The following CD2AP variants were observed in gnomAD, a reference collection of about 807,000 sequenced individuals.
CD2AP encodes the protein CD2-associated protein.
Under a neutral mutation model 85.1 loss-of-function variants are expected in CD2AP, and 46 were observed. The observed-to-expected ratio is 0.54, with a 90% confidence interval of 0.43 to 0.69. The LOEUF is 0.69. CD2AP is among the 30% of genes least tolerant of loss of function. The pLI, the probability that CD2AP is intolerant of heterozygous loss-of-function variation, is 0.00. For synonymous variants in CD2AP, 255 were observed against 252.9 expected (o/e 1.01, Z -0.08); for missense variants, 769 against 729.5 (o/e 1.05, Z -0.62).
chr6:47,593,742 A>T (rs1470780262), intron 11 of CD2AP, among the ~76,000 whole-genome samples: 1 of 152,108 alleles, frequency 6.6e-6, no homozygotes, highest in African/African-American at 2.4e-5. Context: ...TATGAAAAGC[A>T]GTTAGGTGGT....
chr6:47,507,004 C>T (rs1296395448), intron 2 of CD2AP, among the ~76,000 whole-genome samples: 1 of 152,194 alleles, frequency 6.6e-6, no homozygotes, highest in African/African-American at 2.4e-5. Context: ...GTTTCAAACC[C>T]TCCTTCTGCT....
At chr6:47,538,062 T>A (rs1183179741) in intron 3 of CD2AP, among the ~76,000 whole-genome samples, 2 of 151,934 alleles carry the variant, frequency 1.3e-5, no homozygotes, top group Non-Finnish European at 2.9e-5. Context: ...GAAAATTTTT[T>A]AAAAAGATAC....
Position 47,610,973 on chromosome 6 carries a change from T to TATATATATATATA in CD2AP, c.1815-1500_1815-1499insATATATATATATA, listed in dbSNP as rs1454709863. On this transcript the variant is annotated intron_variant, in intron 16 of 17. Coordinates refer to ENST00000359314, the MANE Select transcript of CD2AP (RefSeq NM_012120.3). ...TTTATATATATATATATATATGTAT[T>TATATATATATATA]TTTTTTTTTTTTTGAATATAAAACA... Among the ~76,000 whole-genome samples the TATATATATATATA allele has an allele frequency of 2.4e-3, 71 of 29,992 alleles. No individual in the cohort carries two copies. In the East Asian group the frequency reaches 0.092, roughly 39 times the overall value. 19.7% of individuals were successfully genotyped at this position (29,992 alleles called of 152,430 possible).
At chr6:47,484,019 AGTG>A (rs1000345060) in intron 1 of CD2AP, among the ~76,000 whole-genome samples, 2 of 152,142 alleles carry the variant, frequency 1.3e-5, no homozygotes, top group African/African-American at 4.8e-5. Context: ...GTTTCACTGA[AGTG>A]GTGGTTGGCT....
At chr6:47,583,546 T>C (rs925859332) in intron 11 of CD2AP, among the ~76,000 whole-genome samples, 3 of 152,200 alleles carry the variant, frequency 2.0e-5, no homozygotes, top group African/African-American at 7.2e-5. Flanking sequence ...TTGGCGTCTT[T>C]CACTTAATTA....
At chr6:47,529,948 C>T (rs1441679039) in intron 2 of CD2AP, among the ~76,000 whole-genome samples, 1 of 152,174 alleles carries the variant, frequency 6.6e-6, no homozygotes, top group African/African-American at 2.4e-5. Flanking sequence ...CTTCATTCCT[C>T]AGAAGCTCTG....
rs1394284351 is a variant in CD2AP, at chr6:47,542,705, TCAGGTA to T, written c.320-1900_320-1895del. On this transcript the variant is annotated intron_variant, in intron 3 of 17. Transcript: ENST00000359314. ...TTTATACTATCTTCATTACCTAGTCTCAGGTATTTTGTTATAGCAGCACAAATAAAC... is the reference window on the plus strand; with the variant it reads ...TTTATACTATCTTCATTACCTAGTCTTTTTGTTATAGCAGCACAAATAAAC... Among the ~76,000 whole-genome samples, 3 of 152,308 alleles carry T rather than the reference TCAGGTA, an allele frequency of 2.0e-5. No homozygotes were observed. The East Asian group carries it at 5.8e-4, about 29-fold the overall frequency.
rs201314621 is a variant in CD2AP at position 47,619,377 on chromosome 6, G to C, written c.1879-4809G>C. Among the ~76,000 whole-genome samples, 27 of 152,276 alleles carry C rather than the reference G, an allele frequency of 1.8e-4. No individual in the cohort carries two copies. The East Asian group carries it at 5.2e-3, about 29-fold the overall frequency. On this transcript the variant is annotated intron_variant, in intron 17 of 17. Transcript: ENST00000359314. ...TTAGAATAATAGTCTCCAATTTCAT[G>C]CAGGTCACTGCAGATGCTGTTAATT...
chr6:47,590,061 C>T (rs1768749786), intron 11 of CD2AP, among the ~76,000 whole-genome samples: 1 of 151,848 alleles, frequency 6.6e-6, no homozygotes, highest in Admixed American at 6.6e-5. Context: ...CTATGTTTTC[C>T]TGTAAATCTT....
At chr6:47,496,571 G>A (rs1056981287) in intron 1 of CD2AP, among the ~76,000 whole-genome samples, 2 of 152,128 alleles carry the variant, frequency 1.3e-5, no homozygotes, top group African/African-American at 4.8e-5. Context: ...CATTTTTGCT[G>A]TAATATTGAA....
chr6:47,528,291 C>T (rs768731414), intron 2 of CD2AP, among the ~76,000 whole-genome samples: 1 of 152,148 alleles, frequency 6.6e-6, no homozygotes, highest in Non-Finnish European at 1.5e-5. Context: ...TCTCATACCT[C>T]ATCCTCCCAA....
At chr6:47,531,960 C>G (rs1766890594) in intron 2 of CD2AP, among the ~76,000 whole-genome samples, 2 of 151,838 alleles carry the variant, frequency 1.3e-5, no homozygotes. Flanking sequence ...GTAGTCCCAG[C>G]TGCTCAGGAG....
intron 6 of CD2AP, among the ~76,000 whole-genome samples, chr6:47,574,840 A>G (rs1331252228): frequency 2.0e-5 from 3 of 152,100 alleles, no homozygotes; most frequent in Non-Finnish European, 4.4e-5. Flanking sequence ...GCTTTAAAAT[A>G]AAACCTTAAG....
chr6:47,602,043 C>T (rs1230333347), intron 13 of CD2AP, among the ~76,000 whole-genome samples: 1 of 151,880 alleles, frequency 6.6e-6, no homozygotes, highest in African/African-American at 2.4e-5. Context: ...TTGTTTTAAA[C>T]CCATCCCATT....
intron 8 of CD2AP, among the ~76,000 whole-genome samples, chr6:47,579,073 C>T (rs143594307): frequency 9.2e-5 from 14 of 152,204 alleles, no homozygotes; most frequent in East Asian, 3.9e-4. Context: ...AAAAGTAATA[C>T]GTGGGAAATA....
Position 47,625,202 on chromosome 6 carries a change from G to T in CD2AP, c.*975G>T. On this transcript the variant is annotated 3_prime_UTR_variant, in exon 18 of 18. Coordinates refer to ENST00000359314, the MANE Select transcript of CD2AP (RefSeq NM_012120.3). ...TTCTGACTTTTAATAATGGTAATAG[G>T]AAAACAAAACCCAAAGCTTTTCAGA... 6.6e-6 allele frequency: 1 copy of T among 151,744 alleles called. No homozygotes were observed. Among genetic ancestry groups the T allele is most frequent in the African/African-American group, 2.4e-5 (1 of 41,350 alleles). The allele number at this position is 151,744 out of a possible 1,614,324, so 9.4% of individuals were successfully genotyped here.
chr6:47,543,344 A>G (rs1224914384), intron 3 of CD2AP, among the ~76,000 whole-genome samples: 1 of 152,138 alleles, frequency 6.6e-6, no homozygotes, highest in Non-Finnish European at 1.5e-5. Flanking sequence ...TCAAGGAATT[A>G]AAGATCAGGG....
chr6:47,622,741 G>A (rs1373880514), intron 17 of CD2AP, among the ~76,000 whole-genome samples: 1 of 152,136 alleles, frequency 6.6e-6, no homozygotes, highest in Non-Finnish European at 1.5e-5. Flanking sequence ...AGGGTCTGTC[G>A]GTCCTCTCGG....
chr6:47,576,231 G>A (rs973221186), intron 6 of CD2AP, among the ~76,000 whole-genome samples: 5 of 152,052 alleles, frequency 3.3e-5, no homozygotes, highest in Admixed American at 3.3e-4. Flanking sequence ...TGAACCACTG[G>A]TTCCTAGCCT....
Sources: gnomAD v4.1 joint callset for allele counts (sites outside exome capture counted in the v4.1 genomes callset) on GRCh38, gnomAD v4.1.1 for gene constraint, MANE v1.5 for transcripts, NCBI Gene and HGNC (gene_info 2026-07-23, HGNC 2026-07-21) for gene names.